KIAA1328: variants seen among roughly 807,000 people sequenced by gnomAD.
KIAA1328 encodes the protein KIAA1328, also known as protein hinderin.
In KIAA1328, 52 loss-of-function variants were observed where a neutral mutation model predicts 68.1. The observed-to-expected ratio is 0.76, with a 90% CI of 0.61 to 0.96. The LOEUF is 0.96. Ranked by LOEUF, KIAA1328 falls within the 40% of genes least tolerant of loss-of-function variation. The pLI, the probability that KIAA1328 is intolerant of heterozygous loss-of-function variation, is 0.00. For missense variants in KIAA1328, 641 were observed against 677.6 expected, an observed-to-expected ratio of 0.95 and a Z score of 0.60; for synonymous variants, 232 against 239.4, an observed-to-expected ratio of 0.97 and a Z score of 0.28.
At chr18:36,967,062 A>G (rs560131475) in intron 6 of KIAA1328, among the ~76,000 whole-genome samples, 41 of 152,316 alleles carry the variant, frequency 2.7e-4, no homozygotes, top group African/African-American at 9.1e-4. Context: ...GATGGCTCAC[A>G]TGACCTTGGC....
intron 6 of KIAA1328, among the ~76,000 whole-genome samples, chr18:37,035,537 G>A (rs979067046): frequency 8.5e-5 from 13 of 152,286 alleles, no homozygotes; most frequent in Non-Finnish European, 1.3e-4. Context: ...CATTGGGGCA[G>A]ATAGGATTAG....
chr18:37,027,638 A>G lies in KIAA1328; in HGVS notation c.577-39252A>G, dbSNP rs1213438488. Reference sequence around the variant, plus strand: ...GGGGAAAGGATTCCCTATTTAACCAATGGTGCTGGGAAAACTGGCTAGCCA... The same window carrying G: ...GGGGAAAGGATTCCCTATTTAACCAGTGGTGCTGGGAAAACTGGCTAGCCA... On this transcript the variant is annotated intron_variant, in intron 6 of 9. Transcript: ENST00000280020. Among the ~76,000 whole-genome samples the G allele has an allele frequency of 3.9e-5, 6 of 152,226 alleles. No homozygotes were observed. The East Asian group carries it at 5.8e-4, about 15-fold the overall frequency.
At chr18:37,159,889 C>T (rs1390799869) in intron 7 of KIAA1328, among the ~76,000 whole-genome samples, 3 of 152,092 alleles carry the variant, frequency 2.0e-5, no homozygotes, top group Non-Finnish European at 2.9e-5. Context: ...TTTTAGCATA[C>T]TTTTTATTTC....
chr18:37,101,105 A>T (rs1230784227), intron 7 of KIAA1328, among the ~76,000 whole-genome samples: 4 of 152,208 alleles, frequency 2.6e-5, no homozygotes, highest in Non-Finnish European at 4.4e-5. Flanking sequence ...TAAATATCAG[A>T]GCGCCTCTCC....
At chr18:37,017,653 G>GT (rs2054197771) in intron 6 of KIAA1328, among the ~76,000 whole-genome samples, 1 of 152,076 alleles carries the variant, frequency 6.6e-6, no homozygotes, top group African/African-American at 2.4e-5. Flanking sequence ...CTCCAATGTT[G>GT]TGTATATCTA....
intron 6 of KIAA1328, among the ~76,000 whole-genome samples, chr18:36,975,456 A>C (rs1268807915): frequency 6.6e-6 from 1 of 152,176 alleles, no homozygotes; most frequent in Non-Finnish European, 1.5e-5. Flanking sequence ...TGCTGGGATT[A>C]CAGGCGTGAG....
At chr18:37,179,342 T>G (rs1239759800) in intron 9 of KIAA1328, among the ~76,000 whole-genome samples, 1 of 152,262 alleles carries the variant, frequency 6.6e-6, no homozygotes, top group African/African-American at 2.4e-5. Flanking sequence ...TTTTCCATTG[T>G]ATGTTCTTCA....
intron 6 of KIAA1328, among the ~76,000 whole-genome samples, chr18:37,057,260 G>A (rs567070777): frequency 1.3e-5 from 2 of 152,084 alleles, no homozygotes; most frequent in East Asian, 3.9e-4. Flanking sequence ...ATCAAGTTCA[G>A]TTGGCAAACT....
In KIAA1328 at chr18:37,222,416, G is replaced by A. The variant is rs1353224017; in HGVS notation, c.*189G>A. ...TTATTTTCAATCAGACCAGGCATTC[G>A]ATAACACACTAAGGGGGTAGGAATG... On this transcript the variant is annotated 3_prime_UTR_variant, in exon 10 of 10. Coordinates refer to ENST00000280020, the MANE Select transcript of KIAA1328 (RefSeq NM_020776.3). 2.7e-5 allele frequency: 39 copies of A among 1,426,898 alleles called. No homozygotes were observed. The highest frequency in any genetic ancestry group is 2.6e-4 in the Middle Eastern group (1 of 3,842). 88.4% of individuals were successfully genotyped at this position (1,426,898 alleles called of 1,614,324 possible).
At chr18:37,079,633 A>G (rs944832132) in intron 7 of KIAA1328, among the ~76,000 whole-genome samples, 2 of 152,128 alleles carry the variant, frequency 1.3e-5, no homozygotes, top group African/African-American at 4.8e-5. Context: ...TCATGCCTGT[A>G]ATTCCAGCAC....
chr18:37,179,331 T>C (rs1408082092), intron 9 of KIAA1328, among the ~76,000 whole-genome samples: 1 of 152,230 alleles, frequency 6.6e-6, no homozygotes, highest in Non-Finnish European at 1.5e-5. Flanking sequence ...AAGACTGTCC[T>C]TTTTCCATTG....
chr18:37,192,145 TTGTGTG>T (rs10667132), intron 9 of KIAA1328, among the ~76,000 whole-genome samples: 13 of 144,736 alleles, frequency 9.0e-5, no homozygotes, highest in East Asian at 6.2e-4. Flanking sequence ...AGTCAAGAAA[TTGTGTG>T]TGTGTGTGTG....
chr18:36,910,116 C>T (rs568694785), intron 5 of KIAA1328, among the ~76,000 whole-genome samples: 14 of 152,158 alleles, frequency 9.2e-5, no homozygotes, highest in South Asian at 8.3e-4. Flanking sequence ...GCAGAAGCTC[C>T]TTAGTTTAAT....
intron 5 of KIAA1328, among the ~76,000 whole-genome samples, chr18:36,935,762 G>A (rs971254422): frequency 6.6e-6 from 1 of 152,174 alleles, no homozygotes; most frequent in Non-Finnish European, 1.5e-5. Flanking sequence ...TACTGTGTGT[G>A]TGTGTGCGCA....
At chr18:37,125,047 G>A (rs1182626781) in intron 7 of KIAA1328, among the ~76,000 whole-genome samples, 1 of 152,184 alleles carries the variant, frequency 6.6e-6, no homozygotes, top group Admixed American at 6.5e-5. Flanking sequence ...AAACTTGTGG[G>A]CTGGACGTGG....
chr18:36,851,644 A>T (rs924657288), intron 4 of KIAA1328, among the ~76,000 whole-genome samples: 5 of 152,008 alleles, frequency 3.3e-5, no homozygotes, highest in South Asian at 2.1e-4. Flanking sequence ...TAAAGTTAGT[A>T]ATAATGTCTC....
chr18:37,182,799 A>T (rs1452441009), intron 9 of KIAA1328, among the ~76,000 whole-genome samples: 3 of 152,162 alleles, frequency 2.0e-5, no homozygotes, highest in Non-Finnish European at 4.4e-5. Flanking sequence ...TATTTTATAA[A>T]TTTGCTCATA....
At chr18:37,096,341 C>T (rs1338484396) in intron 7 of KIAA1328, among the ~76,000 whole-genome samples, 3 of 152,080 alleles carry the variant, frequency 2.0e-5, no homozygotes, top group Non-Finnish European at 4.4e-5. Context: ...GGTTTTCTGT[C>T]CTTGCGATAG....
chr18:37,154,876 T>C (rs1368644123), intron 7 of KIAA1328, among the ~76,000 whole-genome samples: 1 of 152,184 alleles, frequency 6.6e-6, no homozygotes, highest in Non-Finnish European at 1.5e-5. Context: ...TGCCAGTCTT[T>C]TCAGTCCCTG....
Sources: gnomAD v4.1 joint callset for allele counts (sites outside exome capture counted in the v4.1 genomes callset) on GRCh38, gnomAD v4.1.1 for gene constraint, MANE v1.5 for transcripts, NCBI Gene and HGNC (gene_info 2026-07-23, HGNC 2026-07-21) for gene names.